XPR1: variants seen among roughly 807,000 people sequenced by gnomAD.
XPR1 encodes the protein solute carrier family 53 member 1.
Under a neutral mutation model 87.5 loss-of-function variants are expected in XPR1, and 28 were observed. The ratio of observed to expected loss-of-function variants is 0.32; its 90% CI spans 0.24 to 0.44. The LOEUF is 0.44. XPR1 is among the 20% of genes least tolerant of loss of function. The probability of loss-of-function intolerance (pLI) is 1.00; values close to 1 mark genes in which losing one functional copy is unlikely to be tolerated. For missense variants in XPR1, 559 were observed against 862.3 expected (o/e 0.65, Z 4.41); for synonymous variants, 300 against 306.1 (o/e 0.98, Z 0.21).
chr1:180,671,581 A>G (rs1019306885), intron 1 of XPR1, among the ~76,000 whole-genome samples: 2 of 152,076 alleles, frequency 1.3e-5, no homozygotes, highest in African/African-American at 4.8e-5. Flanking sequence ...CTGGAGTGCA[A>G]TGGCATGATC....
chr1:180,836,445 G>A, intron 10 of XPR1, 77 bp from the exon 11 acceptor site: 1 of 1,537,814 alleles, frequency 6.5e-7, no homozygotes, highest in East Asian at 2.3e-5. Context: ...CTTGGTATTA[G>A]CTACACTATA....
At chr1:180,796,231 C>T (rs1649569905) in intron 3 of XPR1, among the ~76,000 whole-genome samples, 2 of 152,224 alleles carry the variant, frequency 1.3e-5, no homozygotes, top group South Asian at 2.1e-4. Flanking sequence ...AGCTTTCTGG[C>T]GATCTGGCTC....
At chr1:180,729,901 C>T (rs1364525712) in intron 2 of XPR1, among the ~76,000 whole-genome samples, 6 of 151,944 alleles carry the variant, frequency 3.9e-5, no homozygotes, top group African/African-American at 1.5e-4. Flanking sequence ...AGTTTAAGTC[C>T]CATTTGGCAG....
At chr1:180,645,141 C>T (rs1156982095) in intron 1 of XPR1, among the ~76,000 whole-genome samples, 1 of 152,140 alleles carries the variant, frequency 6.6e-6, no homozygotes, top group East Asian at 1.9e-4. Context: ...TTAAGTCCAC[C>T]GTCATTTGTG....
chr1:180,644,373 T>G (rs1655044915), intron 1 of XPR1, among the ~76,000 whole-genome samples: 1 of 152,022 alleles, frequency 6.6e-6, no homozygotes, highest in Admixed American at 6.6e-5. Flanking sequence ...TTTCCTATAC[T>G]TTTAATGTTG....
At chr1:180,711,483 G>T (rs570960319) in intron 2 of XPR1, among the ~76,000 whole-genome samples, 7 of 152,180 alleles carry the variant, frequency 4.6e-5, no homozygotes, top group African/African-American at 1.4e-4. Flanking sequence ...GCATCGCGGC[G>T]CGCGCCTGCA....
At chr1:180,761,343 G>A (rs143721884) in intron 2 of XPR1, among the ~76,000 whole-genome samples, 6,503 of 151,804 alleles carry the variant, frequency 0.043, 499 homozygotes, top group African/African-American at 0.15. Context: ...AACCTACAAA[G>A]TGGGAGAAAA....
intron 7 of XPR1, among the ~76,000 whole-genome samples, chr1:180,816,930 T>G (rs1650431734): frequency 6.6e-6 from 1 of 152,126 alleles, no homozygotes; most frequent in Non-Finnish European, 1.5e-5. Context: ...GAAGAAGGCA[T>G]TAATAGAATA....
chr1:180,677,282 A>G (rs1423970161), intron 1 of XPR1, among the ~76,000 whole-genome samples: 1 of 152,214 alleles, frequency 6.6e-6, no homozygotes, highest in East Asian at 1.9e-4. Flanking sequence ...AAAGAGTTTA[A>G]TTCACATAGA....
At chr1:180,830,973 C>A (rs1651034465) in intron 9 of XPR1, among the ~76,000 whole-genome samples, 1 of 151,822 alleles carries the variant, frequency 6.6e-6, no homozygotes. Flanking sequence ...TGCATAAAGC[C>A]TTGAGGAAAA....
chr1:180,882,967 G>GTTTTTTTTTTTTTTTTTTTTTTTT (rs1156645233), intron 14 of XPR1, among the ~76,000 whole-genome samples: 1 of 150,542 alleles, frequency 6.6e-6, no homozygotes, highest in African/African-American at 2.5e-5. Flanking sequence ...TTGGGGGTTG[G>GTTTTTTTTTTTTTTTTTTTTTTTT]TTGTTTTTTT....
At chr1:180,785,603 A>C (rs556917035) in intron 2 of XPR1, among the ~76,000 whole-genome samples, 13 of 152,186 alleles carry the variant, frequency 8.5e-5, no homozygotes, top group Admixed American at 2.0e-4. Context: ...TGGTGATACT[A>C]TAAATAGTTG....
In XPR1 at chr1:180,800,063, T is replaced by C. The variant is rs753765277; in HGVS notation, c.224-3325T>C. 1.8e-4 allele frequency among the ~76,000 whole-genome samples: 27 copies of C among 152,354 alleles called. No individual in the cohort carries two copies. The South Asian group carries it at 4.6e-3, about 26-fold the overall frequency. On this transcript the variant is annotated intron_variant, in intron 3 of 14. Coordinates refer to ENST00000367590, the MANE Select transcript of XPR1 (RefSeq NM_004736.4). ...AACTGTTATAGCCCTTTCTTCATCA[T>C]GTTCCTTCCTTCATCATATTTCTTA...
chr1:180,649,804 C>G (rs1224204507), intron 1 of XPR1, among the ~76,000 whole-genome samples: 1 of 152,156 alleles, frequency 6.6e-6, no homozygotes, highest in Non-Finnish European at 1.5e-5. Flanking sequence ...CTGCAGGCTC[C>G]TGGATATAGT....
At chr1:180,745,098 G>GC (rs1659046852) in intron 2 of XPR1, among the ~76,000 whole-genome samples, 1 of 152,164 alleles carries the variant, frequency 6.6e-6, no homozygotes, top group South Asian at 2.1e-4. Flanking sequence ...TGTGTCAGTT[G>GC]CCTGGACAGC....
At chr1:180,795,154 C>T (rs1368824721) in intron 3 of XPR1, among the ~76,000 whole-genome samples, 1 of 152,086 alleles carries the variant, frequency 6.6e-6, no homozygotes, top group Non-Finnish European at 1.5e-5. Flanking sequence ...TATTCTAAGA[C>T]ACTAATTTGA....
chr1:180,722,004 T>C (rs1658193383), intron 2 of XPR1, among the ~76,000 whole-genome samples: 1 of 152,094 alleles, frequency 6.6e-6, no homozygotes, highest in Admixed American at 6.5e-5. Context: ...GGCTCCTGCC[T>C]GTAATCCCAC....
At chr1:180,775,051 T>G (rs1648660614) in intron 2 of XPR1, among the ~76,000 whole-genome samples, 1 of 152,166 alleles carries the variant, frequency 6.6e-6, no homozygotes, top group African/African-American at 2.4e-5. Context: ...ACTAATCCCA[T>G]TCACCTAAAC....
intron 11 of XPR1, among the ~76,000 whole-genome samples, chr1:180,856,955 C>T (rs752017643): frequency 6.6e-6 from 1 of 151,924 alleles, no homozygotes; most frequent in Non-Finnish European, 1.5e-5. Flanking sequence ...CGAAATGTGC[C>T]GTAAGTATAA....
Sources: allele counts gnomAD v4.1 joint callset (sites outside exome capture counted in the v4.1 genomes callset), GRCh38; gene constraint gnomAD v4.1.1; transcripts MANE v1.5; gene names NCBI Gene and HGNC (gene_info 2026-07-23, HGNC 2026-07-21).